MAP3K13: variants seen among roughly 807,000 people sequenced by gnomAD.
MAP3K13 encodes the protein leucine zipper-bearing kinase.
In MAP3K13, 52 loss-of-function variants were observed where a neutral mutation model predicts 104.0. That is an observed-to-expected ratio of 0.50 (90% CI 0.40 to 0.63). MAP3K13 has a LOEUF of 0.63. MAP3K13 is among the 20% of genes least tolerant of loss of function. The pLI, the probability that MAP3K13 is intolerant of heterozygous loss-of-function variation, is 0.00. For missense variants in MAP3K13, 914 were observed against 1,218.5 expected (o/e 0.75, Z 3.72); for synonymous variants, 394 against 442.2 (o/e 0.89, Z 1.37).
At chr3:185,374,855 G>A (rs928017392) in intron 1 of MAP3K13, among the ~76,000 whole-genome samples, 1 of 152,124 alleles carries the variant, frequency 6.6e-6, no homozygotes, top group Non-Finnish European at 1.5e-5. Flanking sequence ...CTAGGAGAGA[G>A]TGACTGAGAT....
chr3:185,350,149 T>G (rs1670672159), intron 2 of MAP3K13, among the ~76,000 whole-genome samples: 1 of 152,248 alleles, frequency 6.6e-6, no homozygotes, highest in African/African-American at 2.4e-5. Context: ...ATTTTCTATA[T>G]TTCCAAAGCA....
Position 185,482,868 on chromosome 3 carries a change from AGC to A in MAP3K13, c.*413_*414del. 4.3e-6 allele frequency: 1 copy of A among 234,606 alleles called. No homozygotes were observed. The highest frequency in any genetic ancestry group is 8.4e-6 in the Non-Finnish European group (1 of 119,186). 14.5% of individuals were successfully genotyped at this position (234,606 alleles called of 1,614,324 possible). On this transcript the variant is annotated 3_prime_UTR_variant, in exon 14 of 14. Coordinates refer to ENST00000265026, the MANE Select transcript of MAP3K13 (RefSeq NM_004721.5). This position sits in a 1 kb window ranked among gnomAD's most constrained non-coding sequence, Gnocchi z 4.5. The stretch of plus-strand genomic sequence containing the variant: ...AAAAAAGAAATAAGTGGAATTTAAG[AGC>A]AACATCCTTGGGAATTTGTGGGGCC...
At chr3:185,404,007 G>T (rs190321402) in intron 1 of MAP3K13, among the ~76,000 whole-genome samples, 66 of 152,252 alleles carry the variant, frequency 4.3e-4, no homozygotes, top group Non-Finnish European at 7.8e-4. Context: ...ATAACAATGG[G>T]ATCATTTAAT....
intron 3 of MAP3K13, among the ~76,000 whole-genome samples, chr3:185,442,266 G>A (rs974140606): frequency 1.3e-5 from 2 of 151,472 alleles, no homozygotes; most frequent in Non-Finnish European, 2.9e-5. Context: ...ACTCACGGGT[G>A]AGATGTGCCT....
chr3:185,342,960 AG>A (rs889273836), intron 2 of MAP3K13, among the ~76,000 whole-genome samples: 1 of 152,202 alleles, frequency 6.6e-6, no homozygotes, highest in Non-Finnish European at 1.5e-5. Context: ...GTGTGGTTGT[AG>A]TACCGAGAAC....
intron 7 of MAP3K13, among the ~76,000 whole-genome samples, chr3:185,454,976 T>A (rs1297026004): frequency 3.6e-5 from 2 of 55,252 alleles, no homozygotes; most frequent in East Asian, 4.3e-4. Context: ...GATATATATA[T>A]GATATATATG....
At chr3:185,286,719 A>G (rs979265588) in intron 2 of MAP3K13, among the ~76,000 whole-genome samples, 1 of 152,182 alleles carries the variant, frequency 6.6e-6, no homozygotes, top group African/African-American at 2.4e-5. Flanking sequence ...GCATACATTT[A>G]TATACATACA....
chr3:185,358,584 A>C (rs1367647834), upstream of MAP3K13, among the ~76,000 whole-genome samples: 1 of 152,004 alleles, frequency 6.6e-6, no homozygotes, highest in Non-Finnish European at 1.5e-5. Flanking sequence ...TTTTCCTTAG[A>C]TGTTTCTTAA....
At chr3:185,411,312 T>C (rs146048692) in intron 1 of MAP3K13, among the ~76,000 whole-genome samples, 2 of 152,294 alleles carry the variant, frequency 1.3e-5, no homozygotes, top group Non-Finnish European at 1.5e-5. Flanking sequence ...ACAAAACCCA[T>C]GTACAAAACC....
At chr3:185,357,747 T>C (rs1013459483) in intron 2 of MAP3K13, among the ~76,000 whole-genome samples, 1 of 152,228 alleles carries the variant, frequency 6.6e-6, no homozygotes, top group Non-Finnish European at 1.5e-5. Context: ...AAGAATCTTA[T>C]ATCCCTCATT....
At chr3:185,468,120 T>C (rs1717564434) in intron 10 of MAP3K13, among the ~76,000 whole-genome samples, 1 of 151,816 alleles carries the variant, frequency 6.6e-6, no homozygotes, top group African/African-American at 2.4e-5. Context: ...AATCACCCCC[T>C]CACCAGGCCC....
intron 2 of MAP3K13, among the ~76,000 whole-genome samples, chr3:185,345,612 T>C (rs181356031): frequency 3.9e-5 from 6 of 152,326 alleles, no homozygotes; most frequent in African/African-American, 1.4e-4. Flanking sequence ...GTGACAGATC[T>C]TGATTGCGTG....
At position 185,478,165 on chromosome 3, in the gene MAP3K13, A is replaced by T. The variant is rs773742516; in HGVS notation, c.2501+769A>T. Among the ~76,000 whole-genome samples the T allele has an allele frequency of 3.3e-5, 5 of 152,302 alleles. No homozygotes were observed. In the South Asian group the frequency reaches 1.0e-3, roughly 32 times the overall value. On this transcript the variant is annotated intron_variant, in intron 12 of 13. Coordinates refer to ENST00000265026, the MANE Select transcript of MAP3K13 (RefSeq NM_004721.5). ...AATCCACCTTCAACCCAGCCTTAGA[A>T]ATAGCTTCTTGCTTAGATAGCGATA...
intron 2 of MAP3K13, among the ~76,000 whole-genome samples, chr3:185,329,873 AG>A (rs1318359466): frequency 6.7e-6 from 1 of 149,122 alleles, no homozygotes; most frequent in African/African-American, 2.5e-5. Context: ...ACTATATAAA[AG>A]GTCGAATTAG....
chr3:185,404,589 T>G (rs1713002386), intron 1 of MAP3K13, among the ~76,000 whole-genome samples: 1 of 152,116 alleles, frequency 6.6e-6, no homozygotes, highest in Admixed American at 6.5e-5. Context: ...TTTTAAAAAT[T>G]TTTTCAAGAT....
At chr3:185,447,568 GAATAAGACTAGGTGTT>G (rs1351406311) in intron 4 of MAP3K13, among the ~76,000 whole-genome samples, 1 of 143,098 alleles carries the variant, frequency 7.0e-6, no homozygotes, top group Non-Finnish European at 1.5e-5. Flanking sequence ...AGAAGAGGCA[GAATAAGACTAGGTGTT>G]AAAAGCCCAT....
At chr3:185,454,534 A>ATATATAT (rs1321634346) in intron 7 of MAP3K13, among the ~76,000 whole-genome samples, 9 of 29,402 alleles carry the variant, frequency 3.1e-4, no homozygotes, top group South Asian at 1.2e-3. Flanking sequence ...CATATATATG[A>ATATATAT]GATATATATA....
intron 2 of MAP3K13, among the ~76,000 whole-genome samples, chr3:185,433,353 A>G (rs1418012559): frequency 1.3e-5 from 2 of 152,224 alleles, no homozygotes; most frequent in African/African-American, 4.8e-5. Context: ...TAGCAGTGGG[A>G]CAGACATAGA....
At chr3:185,362,181 A>T (rs541454042), upstream of MAP3K13, among the ~76,000 whole-genome samples, 14 of 152,344 alleles carry the variant, frequency 9.2e-5, no homozygotes, top group South Asian at 2.9e-3. Context: ...GCCATTTCCC[A>T]AGTTCAGAAA....
Sources: gnomAD v4.1 joint callset for allele counts (sites outside exome capture counted in the v4.1 genomes callset) on GRCh38, gnomAD v4.1.1 for gene constraint, Gnocchi (gnomAD v3.1) non-coding constraint, MANE v1.5 for transcripts, NCBI Gene and HGNC (gene_info 2026-07-23, HGNC 2026-07-21) for gene names.